The following MAP6 variants were observed in gnomAD, a reference collection of about 807,000 sequenced individuals.
The protein encoded by MAP6 is microtubule-associated protein 6.
Under a neutral mutation model 42.4 loss-of-function variants are expected in MAP6, and 26 were observed. The observed-to-expected ratio is 0.61, with a 90% CI of 0.45 to 0.85. The LOEUF (loss-of-function observed/expected upper bound fraction) is 0.85, where lower values mean the gene tolerates loss of function less well. MAP6 is among the 40% of genes least tolerant of loss of function. The pLI is 0.00. For synonymous variants in MAP6, 418 were observed against 443.8 expected, an observed-to-expected ratio of 0.94 and a Z score of 0.73; for missense variants, 966 against 1,099.0, an observed-to-expected ratio of 0.88 and a Z score of 1.71.
At chr11:75,605,767 A>G in intron 3 of MAP6, 41 bp downstream of exon 3, 3 of 1,561,138 alleles carry the variant, frequency 1.9e-6, no homozygotes, top group Non-Finnish European at 2.6e-6. Context: ...GGGGGGAGGG[A>G]GAGAGAGAGA....
chr11:75,588,236 A>G (rs1367771344), intron 3 of MAP6, 52 bp from the exon 4 acceptor site: 9 of 1,526,566 alleles, frequency 5.9e-6, no homozygotes, highest in Non-Finnish European at 7.1e-6. Flanking sequence ...AGGCAGGGAC[A>G]GGGCAGAGTA....
At chr11:75,632,133 G>A (rs769353944) in intron 1 of MAP6, among the ~76,000 whole-genome samples, 2 of 152,204 alleles carry the variant, frequency 1.3e-5, no homozygotes, top group Non-Finnish European at 1.5e-5. Flanking sequence ...TTACCTCACC[G>A]AGCCTTCTTG....
At chr11:75,605,667 G>A in intron 3 of MAP6, 141 bp downstream of exon 3, 1 of 1,451,282 alleles carries the variant, frequency 6.9e-7, no homozygotes, top group Non-Finnish European at 9.0e-7. Context: ...AAACCAAAGA[G>A]CTCCTGGAAC....
At chr11:75,649,274 G>A (rs1160336775) in intron 1 of MAP6, among the ~76,000 whole-genome samples, 2 of 152,126 alleles carry the variant, frequency 1.3e-5, no homozygotes, top group East Asian at 3.8e-4. Flanking sequence ...CAAGATATGT[G>A]ATGTTGGGTG....
At chr11:75,625,133 C>T (rs1943174968) in intron 1 of MAP6, among the ~76,000 whole-genome samples, 1 of 152,136 alleles carries the variant, frequency 6.6e-6, no homozygotes, top group African/African-American at 2.4e-5. Context: ...GAAGGAGAGG[C>T]ACTGACATTT....
At position 75,641,574 on chromosome 11, in the gene MAP6, C is replaced by T. The variant is rs981284959; in HGVS notation, c.905+25891G>A. On this transcript the variant is annotated intron_variant, in intron 1 of 3. Coordinates refer to ENST00000304771, the MANE Select transcript of MAP6 (RefSeq NM_033063.2). ...GGATCTGCACTGTAAACAACCACTT[C>T]GTGTGATTCCAATGTAAGTGGTCTG... 4.6e-5 allele frequency among the ~76,000 whole-genome samples: 7 copies of T among 152,284 alleles called. No individual in the cohort carries two copies. In the East Asian group the frequency reaches 5.8e-4, roughly 13 times the overall value.
chr11:75,661,055 C>A (rs1943835807), intron 1 of MAP6, among the ~76,000 whole-genome samples: 1 of 150,666 alleles, frequency 6.6e-6, no homozygotes, highest in South Asian at 2.1e-4. Flanking sequence ...ATTTTTAAAT[C>A]CACAAGATAA....
Position 75,668,136 on chromosome 11 carries a change from T to C in MAP6, c.234A>G (p.Ala78=). 8.9e-7 allele frequency: 1 copy of C among 1,122,174 alleles called. No homozygotes were observed. The allele number at this position is 1,122,174 out of a possible 1,614,324, so 69.5% of individuals were successfully genotyped here. A position where few individuals can be genotyped will look rare whatever the true frequency, so the allele number is the denominator to read the frequency against. The part of the protein sequence containing the change: ...ETQPAQGELD[A]VARATGPAPG... ...GCGCTGGCCCCGTTGCCCGGGCAAC[T>C]GCATCCAACTCGCCCTGGGCTGGCT... is the stretch of plus-strand genomic sequence containing the variant. Residue 78 remains alanine (A), a synonymous_variant, in exon 1 of 4, where the codon GCA becomes GCG. Coordinates refer to ENST00000304771, the MANE Select transcript of MAP6 (RefSeq NM_033063.2).
chr11:75,647,495 G>T (rs1260134514), intron 1 of MAP6, among the ~76,000 whole-genome samples: 1 of 151,636 alleles, frequency 6.6e-6, no homozygotes, highest in African/African-American at 2.4e-5. Flanking sequence ...ATTAATAAAA[G>T]AATTAGCAAG....
intron 2 of MAP6, 31 bp downstream of exon 2, chr11:75,608,078 T>C (rs1422568910): frequency 6.2e-7 from 1 of 1,604,594 alleles, no homozygotes; most frequent in East Asian, 2.2e-5. Context: ...GTCCAGGCTG[T>C]GCTGATGGGT....
Position 75,587,404 on chromosome 11 carries a change from C to T in MAP6, c.2097G>A (p.Val699=). The T allele has an allele frequency of 6.2e-7, 1 of 1,614,000 alleles. No homozygotes were observed. The highest frequency in any genetic ancestry group is 1.1e-5 in the South Asian group (1 of 91,064). Residue 699 remains valine (V), a synonymous_variant, in exon 4 of 4, where the codon GTG becomes GTA. Coordinates refer to ENST00000304771, the MANE Select transcript of MAP6 (RefSeq NM_033063.2). ...EHAKVHDSAV[V]APVKNQGPVV... is the part of the protein sequence containing the mutation. ...CAGGACCTTGATTCTTTACAGGTGC[C>T]ACAACTGCAGAATCGTGAACCTTTG... is the stretch of plus-strand genomic sequence containing the variant.
chr11:75,590,978 A>G (rs1447519559), intron 3 of MAP6, among the ~76,000 whole-genome samples: 4 of 152,160 alleles, frequency 2.6e-5, no homozygotes, highest in African/African-American at 9.7e-5. Flanking sequence ...AGGAAAAAAA[A>G]AAAGAAAAAA....
chr11:75,619,599 C>T (rs920427256), intron 1 of MAP6, among the ~76,000 whole-genome samples: 5 of 152,130 alleles, frequency 3.3e-5, no homozygotes, highest in African/African-American at 4.8e-5. Flanking sequence ...TAAGTGAGAA[C>T]ATGCAGTATT....
chr11:75,658,901 G>C (rs1943796441), intron 1 of MAP6, among the ~76,000 whole-genome samples: 1 of 152,146 alleles, frequency 6.6e-6, no homozygotes, highest in African/African-American at 2.4e-5. Context: ...AAATCAGGCA[G>C]ACTTAACCCC....
intron 1 of MAP6, among the ~76,000 whole-genome samples, chr11:75,625,482 C>A (rs574574578): frequency 6.6e-6 from 1 of 152,156 alleles, no homozygotes; most frequent in Non-Finnish European, 1.5e-5. Flanking sequence ...AGATGCTGCA[C>A]AAACATGCCC....
At chr11:75,646,436 C>T (rs929460487) in intron 1 of MAP6, among the ~76,000 whole-genome samples, 5 of 131,466 alleles carry the variant, frequency 3.8e-5, no homozygotes, top group Admixed American at 1.7e-4. Context: ...CCGAGGCAGG[C>T]GGGTCACTTG....
At chr11:75,626,390 AC>A (rs1943195291) in intron 1 of MAP6, among the ~76,000 whole-genome samples, 1 of 152,080 alleles carries the variant, frequency 6.6e-6, no homozygotes, top group Non-Finnish European at 1.5e-5. Flanking sequence ...CTCAGGCTTG[AC>A]CCTGGAAGCA....
intron 1 of MAP6, among the ~76,000 whole-genome samples, chr11:75,628,578 A>G (rs1362205702): frequency 6.6e-6 from 1 of 152,224 alleles, no homozygotes; most frequent in Non-Finnish European, 1.5e-5. Context: ...AGCAGGCCAG[A>G]GCGGCAGGAG....
chr11:75,608,006 G>T (rs192765124), intron 2 of MAP6, 103 bp downstream of exon 2: 2 of 1,099,438 alleles, frequency 1.8e-6, no homozygotes, highest in Admixed American at 2.0e-5. Context: ...AAAGGTGCCC[G>T]TGGAGGCTGG....
Sources: allele counts gnomAD v4.1 joint callset (sites outside exome capture counted in the v4.1 genomes callset), GRCh38; gene constraint gnomAD v4.1.1; transcripts MANE v1.5; gene names NCBI Gene and HGNC (gene_info 2026-07-23, HGNC 2026-07-21).